The following ZNF177 variants were observed in gnomAD, a reference collection of about 807,000 sequenced individuals.
ZNF177 encodes zinc finger protein 177.
Under a neutral mutation model 19.4 loss-of-function variants are expected in ZNF177, and 17 were observed. The ratio of observed to expected loss-of-function variants is 0.87; its 90% CI spans 0.60 to 1.31. The LOEUF (loss-of-function observed/expected upper bound fraction) is 1.31. Ranked by LOEUF, ZNF177 falls within the 40% of genes most tolerant of loss-of-function variation. The pLI, the probability that ZNF177 is intolerant of heterozygous loss-of-function variation, is 0.00. For synonymous variants in ZNF177, 220 were observed against 188.7 expected, an observed-to-expected ratio of 1.17 and a Z score of -1.36; for missense variants, 633 against 561.8, an observed-to-expected ratio of 1.13 and a Z score of -1.28.
chr19:9,379,297 C>T, intron 3 of ZNF177: 1 of 1,085,004 alleles, frequency 9.2e-7, no homozygotes, highest in African/African-American at 1.6e-5. Flanking sequence ...AATTTGCAAT[C>T]TGTGTCTCAT....
chr19:9,378,703 CTG>C (rs753363751), intron 2 of ZNF177: 257 of 566,716 alleles, frequency 4.5e-4, no homozygotes, highest in Non-Finnish European at 6.1e-4. Context: ...CACAACCTAA[CTG>C]TGCAAAGATC....
chr19:9,382,264 C>G (rs2068214264), downstream of ZNF177: 1 of 399,286 alleles, frequency 2.5e-6, no homozygotes, highest in Non-Finnish European at 4.4e-6. Flanking sequence ...CATCCCTAGC[C>G]CATGCAAAGT....
chr19:9,376,191 G>A (rs1243309255), upstream of ZNF177: 1 of 152,146 alleles, frequency 6.6e-6, no homozygotes, highest in Admixed American at 6.6e-5. Context: ...CTGGAGTGCA[G>A]TGGCATGATC....
upstream of ZNF177, among the ~76,000 whole-genome samples, chr19:9,375,037 T>G (rs1277251478): frequency 6.6e-6 from 1 of 152,164 alleles, no homozygotes; most frequent in African/African-American, 2.4e-5. Context: ...TCGTTGAGGG[T>G]TTTTATCACA....
At chr19:9,375,337 A>G (rs1332545149), upstream of ZNF177, among the ~76,000 whole-genome samples, 2 of 152,120 alleles carry the variant, frequency 1.3e-5, no homozygotes, top group African/African-American at 4.8e-5. Flanking sequence ...TATCAGTGTA[A>G]TGCTGACCTC....
chr19:9,380,717 A>G lies in ZNF177; in HGVS notation c.386A>G (p.Lys129Arg), dbSNP rs1446307204. ...TCCCTGGAGTGTAACCATTGTGGGA[A>G]ATTCAGAAAGAACACTCGCTTTATT... is the stretch of plus-strand genomic sequence containing the variant. Residue 129 changes from lysine to arginine, a missense_variant, in exon 6 of 6, where the codon AAA (lysine) becomes AGA (arginine). By Grantham distance (26) the Lys-to-Arg change is conservative. Transcript: ENST00000589262. 3.3e-6 allele frequency: 5 copies of G among 1,535,942 alleles called. No individual in the cohort carries two copies. The Admixed American group carries it at 9.8e-5, about 30-fold the overall frequency.
At position 9,365,564 on chromosome 19, in the gene ZNF177, C is replaced by T. The variant is rs569564628; in HGVS notation, c.-305+616C>T. ...TTGCCCCCAGAAAAGCAGTACTTGCCGCTAAGGGTGAAGGACCAAGGCAGG... is the reference window on the plus strand; with the variant it reads ...TTGCCCCCAGAAAAGCAGTACTTGCTGCTAAGGGTGAAGGACCAAGGCAGG... On this transcript the variant is annotated intron_variant, in intron 2 of 8. Transcript: ENST00000343499. Among the ~76,000 whole-genome samples the T allele has an allele frequency of 1.2e-4, 19 of 152,074 alleles. 1 individual carries two copies. The highest frequency in any genetic ancestry group is 2.7e-4 in the African/African-American group (11 of 41,498).
At chr19:9,382,154 T>TCTTTCTTAAAGTAATAAA in exon 6 of ZNF177, 1 of 399,260 alleles carries the variant, frequency 2.5e-6, no homozygotes, top group Non-Finnish European at 4.4e-6. Context: ...ATTCCTCCCT[T>TCTTTCTTAAAGTAATAAA]CTTTCTTAAA....
chr19:9,381,659 T>C, exon 6 of ZNF177: 1 of 1,611,968 alleles, frequency 6.2e-7, no homozygotes, highest in Non-Finnish European at 8.5e-7. Flanking sequence ...AGGGTACACG[T>C]GAGAACTCAC....
At chr19:9,380,888 A>G (rs2068187223) in exon 6 of ZNF177, 2 of 1,536,142 alleles carry the variant, frequency 1.3e-6, no homozygotes, top group African/African-American at 1.4e-5. Flanking sequence ...AAAGCTTTCA[A>G]TCAAGAGTCA....
chr19:9,371,344 T>C (rs75874622), intron 2 of ZNF177, among the ~76,000 whole-genome samples: 318 of 152,326 alleles, frequency 2.1e-3, no homozygotes, highest in African/African-American at 7.1e-3. Context: ...CTTTTCATTT[T>C]TTTAATCCAC....
chr19:9,381,712 T>A, exon 6 of ZNF177: 1 of 1,614,042 alleles, frequency 6.2e-7, no homozygotes, highest in South Asian at 1.1e-5. Context: ...TGAAAAAGCC[T>A]TTAGCACAAG....
At chr19:9,366,621 A>G (rs2067983861) in intron 2 of ZNF177, among the ~76,000 whole-genome samples, 1 of 152,212 alleles carries the variant, frequency 6.6e-6, no homozygotes, top group African/African-American at 2.4e-5. Flanking sequence ...TTATCCGTTC[A>G]TCGGTAGATA....
upstream of ZNF177, among the ~76,000 whole-genome samples, chr19:9,372,017 T>TA (rs2068052908): frequency 2.0e-5 from 3 of 152,246 alleles, no homozygotes; most frequent in African/African-American, 7.2e-5. Flanking sequence ...CTGACACCTG[T>TA]GTGTTAGCTA....
chr19:9,372,743 AC>A (rs2068063156), upstream of ZNF177, among the ~76,000 whole-genome samples: 1 of 151,196 alleles, frequency 6.6e-6, no homozygotes, highest in South Asian at 2.1e-4. Context: ...AAAGGGTTTC[AC>A]CATGTTGTTC....
exon 6 of ZNF177, chr19:9,381,118 A>G: frequency 1.9e-6 from 3 of 1,613,896 alleles, no homozygotes; most frequent in Non-Finnish European, 2.5e-6. Context: ...TGAACATGAG[A>G]AAACTTTCAC....
intron 1 of ZNF177, among the ~76,000 whole-genome samples, chr19:9,376,746 A>G (rs2068114229): frequency 1.3e-5 from 2 of 151,580 alleles, no homozygotes; most frequent in Admixed American, 1.3e-4. Flanking sequence ...ATATTAACAA[A>G]TTATTATAAC....
upstream of ZNF177, among the ~76,000 whole-genome samples, chr19:9,373,295 A>G (rs1009291626): frequency 3.3e-5 from 5 of 152,110 alleles, no homozygotes; most frequent in Non-Finnish European, 7.4e-5. Context: ...CTTCTTTTTT[A>G]AGACTGAATA....
chr19:9,367,995 A>G (rs2068002167), intron 2 of ZNF177, among the ~76,000 whole-genome samples: 1 of 152,224 alleles, frequency 6.6e-6, no homozygotes, highest in South Asian at 2.1e-4. Flanking sequence ...CTTCATAAAT[A>G]TGCCTAATCT....
Sources: gnomAD v4.1 joint callset for allele counts (sites outside exome capture counted in the v4.1 genomes callset) on GRCh38, gnomAD v4.1.1 for gene constraint, MANE v1.5 for transcripts, NCBI Gene and HGNC (gene_info 2026-07-23, HGNC 2026-07-21) for gene names.